Variants in GPC3 observed in about 807,000 individuals in gnomAD.
GPC3 encodes glypican 3, also known as glypican-3.
A neutral mutation model predicts 34.4 loss-of-function variants in GPC3; 3 were observed. The observed-to-expected ratio is 0.09, with a 90% CI of 0.04 to 0.23. The LOEUF (loss-of-function observed/expected upper bound fraction) is 0.23, where lower values mean the gene tolerates loss of function less well. Ranked by LOEUF, GPC3 falls within the 10% of genes least tolerant of loss-of-function variation. The pLI is 1.00. For missense variants in GPC3, 351 were observed against 445.6 expected (o/e 0.79, Z 1.91); for synonymous variants, 177 against 174.0 (o/e 1.02, Z -0.13).
chrX:133,755,720 T>C (rs2071721052), intron 2 of GPC3, among the ~76,000 whole-genome samples: 1 of 108,157 alleles, frequency 9.2e-6, no homozygotes, highest in Non-Finnish European at 1.9e-5. Context: ...ACTTGGTTTT[T>C]TTGTTTGTTT....
chrX:133,722,481 G>A (rs1251452700), intron 3 of GPC3, among the ~76,000 whole-genome samples: 1 of 111,985 alleles, frequency 8.9e-6, no homozygotes, highest in Non-Finnish European at 1.9e-5. Context: ...ATTATTAAAG[G>A]CTAAAGGAGT....
intron 2 of GPC3, among the ~76,000 whole-genome samples, chrX:133,774,051 G>A (rs1300060631): frequency 8.9e-6 from 1 of 112,236 alleles, no homozygotes; most frequent in African/African-American, 3.2e-5. Context: ...ACAAAGCACA[G>A]GACTCAAGCA....
At chrX:133,580,964 G>A (rs184786635) in intron 7 of GPC3, among the ~76,000 whole-genome samples, 118 of 112,304 alleles carry the variant, frequency 1.1e-3, no homozygotes, top group Non-Finnish European at 1.8e-3. Context: ...TGATTACTGA[G>A]CCAACAAAAT....
intron 2 of GPC3, among the ~76,000 whole-genome samples, chrX:133,794,527 G>T (rs187180786): frequency 8.9e-6 from 1 of 111,887 alleles, no homozygotes; most frequent in Admixed American, 9.5e-5. Context: ...GGGTGGGGGG[G>T]CACTATTTGT....
chrX:133,855,447 T>C, intron 2 of GPC3, among the ~76,000 whole-genome samples: 1 of 109,076 alleles, frequency 9.2e-6, no homozygotes. Context: ...ACTACAGGCA[T>C]GAGCTACTGT....
intron 3 of GPC3, among the ~76,000 whole-genome samples, chrX:133,724,057 G>A (rs1288914261): frequency 1.8e-5 from 2 of 111,873 alleles, no homozygotes; most frequent in African/African-American, 3.3e-5. Context: ...TCCACATTAC[G>A]TTATCACATG....
chrX:133,909,273 T>C (rs757907221), intron 2 of GPC3, among the ~76,000 whole-genome samples: 5 of 112,790 alleles, frequency 4.4e-5, no homozygotes, highest in East Asian at 5.6e-4. Flanking sequence ...TTACTAGTTA[T>C]GCAGTCAAAT....
chrX:133,837,793 T>C (rs951061621), intron 2 of GPC3, among the ~76,000 whole-genome samples: 60 of 112,426 alleles, frequency 5.3e-4, no homozygotes, highest in African/African-American at 1.9e-3. Context: ...TCAATTTACA[T>C]AGCATCACTG....
At chrX:133,946,006 C>G (rs1430787390) in intron 2 of GPC3, among the ~76,000 whole-genome samples, 1 of 111,765 alleles carries the variant, frequency 8.9e-6, no homozygotes, top group Non-Finnish European at 1.9e-5. Context: ...TCTTAGGATG[C>G]CTTGCACCCA....
intron 2 of GPC3, among the ~76,000 whole-genome samples, chrX:133,889,315 G>A (rs750111756): frequency 6.6e-4 from 74 of 112,434 alleles, no homozygotes; most frequent in African/African-American, 2.3e-3. Context: ...ATGTCAAAGT[G>A]TCAGACCATG....
intron 2 of GPC3, among the ~76,000 whole-genome samples, chrX:133,850,333 T>C (rs181920949): frequency 1.7e-4 from 19 of 110,216 alleles, no homozygotes; most frequent in African/African-American, 6.3e-4. Flanking sequence ...CAGTCACTGG[T>C]AAAATGTTTT....
At chrX:133,948,573 G>A (rs945415202) in intron 2 of GPC3, among the ~76,000 whole-genome samples, 5 of 111,030 alleles carry the variant, frequency 4.5e-5, no homozygotes, top group Non-Finnish European at 9.4e-5. Flanking sequence ...TAATAGTGTG[G>A]ACCAAAAAAT....
At chrX:133,966,032 G>A (rs1454182108) in intron 1 of GPC3, among the ~76,000 whole-genome samples, 1 of 111,785 alleles carries the variant, frequency 8.9e-6, no homozygotes, top group Non-Finnish European at 1.9e-5. Context: ...AATATTAATA[G>A]AGGCCGAATA....
intron 2 of GPC3, among the ~76,000 whole-genome samples, chrX:133,781,408 G>T (rs769710811): frequency 2.3e-4 from 26 of 112,195 alleles, no homozygotes; most frequent in Admixed American, 6.6e-4. Context: ...CTAGAGCTGA[G>T]CCAGGTGTCG....
chrX:133,965,970 A>G (rs2076461692), intron 1 of GPC3, among the ~76,000 whole-genome samples: 2 of 111,938 alleles, frequency 1.8e-5, no homozygotes, highest in African/African-American at 6.5e-5. Context: ...ATCAAGAAAA[A>G]GATAAACAGG....
At chrX:133,958,433 C>T (rs1395256648) in intron 1 of GPC3, among the ~76,000 whole-genome samples, 1 of 105,802 alleles carries the variant, frequency 9.5e-6, no homozygotes, top group Non-Finnish European at 1.9e-5. Context: ...GTGGTTGCAG[C>T]TATTTGGGAG....
At chrX:133,682,110 G>A (rs767074918) in intron 5 of GPC3, among the ~76,000 whole-genome samples, 4 of 111,415 alleles carry the variant, frequency 3.6e-5, no homozygotes, top group South Asian at 3.9e-4. Context: ...CTTGCTGGGC[G>A]TGGTGGTACA....
intron 2 of GPC3, among the ~76,000 whole-genome samples, chrX:133,809,290 T>C (rs2075652215): frequency 8.9e-6 from 1 of 112,394 alleles, no homozygotes; most frequent in African/African-American, 3.2e-5. Flanking sequence ...TCCTTTTAAA[T>C]CATTTGTTAA....
intron 2 of GPC3, among the ~76,000 whole-genome samples, chrX:133,796,595 C>T (rs145025667): frequency 0.012 from 1,351 of 111,953 alleles, 25 homozygotes; most frequent in African/African-American, 0.041. Flanking sequence ...TAGCTCTGTG[C>T]TTATTTAGAT....
Sources: gnomAD v4.1 joint callset for allele counts (sites outside exome capture counted in the v4.1 genomes callset) on GRCh38, gnomAD v4.1.1 for gene constraint, MANE v1.5 for transcripts, NCBI Gene and HGNC (gene_info 2026-07-23, HGNC 2026-07-21) for gene names.